Variants in NRROS observed in about 807,000 individuals in gnomAD.
NRROS encodes transforming growth factor beta activator LRRC33.
In NRROS, 6 loss-of-function variants were observed where a neutral mutation model predicts 12.0. The ratio of observed to expected loss-of-function variants is 0.50; its 90% CI spans 0.27 to 0.98. The LOEUF is 0.98. NRROS is among the 50% of genes least tolerant of loss of function. The pLI is 0.11. For synonymous variants in NRROS, 462 were observed against 410.2 expected (o/e 1.13, Z -1.53); for missense variants, 857 against 888.2 (o/e 0.96, Z 0.45).
In NRROS at chr3:196,660,081, G is replaced by A. The variant is rs908054594; in HGVS notation, c.438G>A (p.Glu146=). Residue 146 remains glutamate, a synonymous_variant, in exon 3 of 3, where the codon GAG becomes GAA. Transcript: ENST00000328557. This position sits in a 1 kb window ranked among gnomAD's most constrained non-coding sequence, Gnocchi z 7.7. ...ACTTGTCAGGAAACGCCCTGACGGA[G>A]GACATGGCAGCCCTCATGCTCCAGA... ...RLDLSGNALT[E]DMAALMLQNL... is the part of the protein sequence containing the mutation. The A allele has an allele frequency of 1.9e-6, 3 of 1,613,222 alleles. No homozygotes were observed. The highest frequency in any genetic ancestry group is 2.5e-6 in the Non-Finnish European group (3 of 1,179,878).
chr3:196,641,993 T>C (rs983890732), intron 1 of NRROS, among the ~76,000 whole-genome samples: 3 of 152,222 alleles, frequency 2.0e-5, no homozygotes, highest in Admixed American at 1.3e-4. Context: ...CAAACATTTG[T>C]CATGTTTTTG....
chr3:196,650,485 G>A (rs1310827106), intron 1 of NRROS, among the ~76,000 whole-genome samples: 1 of 151,918 alleles, frequency 6.6e-6, no homozygotes, highest in African/African-American at 2.4e-5. Context: ...TTGCCACCTT[G>A]CTCAGGCTGG....
At chr3:196,646,883 G>A (rs1037267044) in intron 1 of NRROS, among the ~76,000 whole-genome samples, 4 of 152,202 alleles carry the variant, frequency 2.6e-5, no homozygotes, top group Non-Finnish European at 4.4e-5. Context: ...GAGCCGCCGC[G>A]TGCCTCTCTT....
rs1464030780 is a variant in NRROS at position 196,659,929 on chromosome 3, A to G, written c.286A>G (p.Ile96Val). The change falls in exon 3 of 3, where the codon ATC (isoleucine) becomes GTC (valine). Residue 96 changes from isoleucine (I) to valine (V), a missense_variant. By Grantham distance (29) the Ile-to-Val change is conservative (BLOSUM62 3). Coordinates refer to ENST00000328557, the MANE Select transcript of NRROS (RefSeq NM_198565.3). ...LSLHSCHLER[I>V]SRGAFQEQGH... is the part of the protein sequence containing the mutation. The stretch of plus-strand genomic sequence containing the variant: ...CCTGCACAGCTGCCACCTGGAGCGC[A>G]TCAGCCGCGGCGCCTTCCAGGAGCA... The G allele has an allele frequency of 1.9e-6, 3 of 1,614,054 alleles. No homozygotes were observed. The highest frequency in any genetic ancestry group is 2.5e-6 in the Non-Finnish European group (3 of 1,179,998).
Position 196,654,407 on chromosome 3 carries a change from T to C in NRROS, c.-13-120T>C. On this transcript the variant is annotated intron_variant, in intron 1 of 2. Coordinates refer to ENST00000328557, the MANE Select transcript of NRROS (RefSeq NM_198565.3). This position sits in a 1 kb window ranked among gnomAD's most constrained non-coding sequence, Gnocchi z 4.4. ...GAGTATCCTGTGGGCTGCACCTCTA[T>C]GGAGCTCCACAGAGCTCCAAGACCA... 4.2e-6 allele frequency: 3 copies of C among 712,198 alleles called. No individual in the cohort carries two copies. The highest frequency in any genetic ancestry group is 5.1e-5 in the East Asian group (2 of 38,914). The allele number at this position is 712,198 out of a possible 1,614,324, so 44.1% of individuals were successfully genotyped here.
At position 196,658,840 on chromosome 3, in the gene NRROS, T is replaced by C. The variant is rs57742608; in HGVS notation, c.109-912T>C. Among the ~76,000 whole-genome samples the C allele has an allele frequency of 7.1e-3, 1,077 of 151,944 alleles. 13 individuals carry two copies. The highest frequency in any genetic ancestry group is 0.023 in the African/African-American group (954 of 41,372). ...AAAAAGTTAGCTGGGCGTGGTGGCA[T>C]GTGCCTGTAATCCCAGCTACTCGGG... On this transcript the variant is annotated intron_variant, in intron 2 of 2. Coordinates refer to ENST00000328557, the MANE Select transcript of NRROS (RefSeq NM_198565.3).
intron 1 of NRROS, among the ~76,000 whole-genome samples, chr3:196,653,455 T>C (rs1737472269): frequency 6.6e-6 from 1 of 152,220 alleles, no homozygotes; most frequent in African/African-American, 2.4e-5. Flanking sequence ...CTGGTGCCGC[T>C]GGCCCAGGAG....
At chr3:196,649,483 T>C (rs1737375599) in intron 1 of NRROS, among the ~76,000 whole-genome samples, 1 of 152,144 alleles carries the variant, frequency 6.6e-6, no homozygotes, top group Admixed American at 6.5e-5. Context: ...TTCTCTCTTT[T>C]TTTTTTGAGA....
intron 2 of NRROS, among the ~76,000 whole-genome samples, chr3:196,655,665 G>A (rs761597657): frequency 2.0e-5 from 3 of 152,208 alleles, no homozygotes; most frequent in Non-Finnish European, 2.9e-5. Flanking sequence ...TGACCGCTAA[G>A]GCTTACACAG....
In NRROS at chr3:196,661,714, G is replaced by A. The variant is rs142275904; in HGVS notation, c.2071G>A (p.Val691Ile). ...VIKSRCHWSS[V>I]Y Reference sequence around the variant, plus strand: ...CAAGAGCCGCTGCCACTGGTCCTCCGTTTACTGACCTGGCTGTGTGCCAAG... The same window carrying A: ...CAAGAGCCGCTGCCACTGGTCCTCCATTTACTGACCTGGCTGTGTGCCAAG... Residue 691 changes from valine to isoleucine, a missense_variant, in exon 3 of 3, where the codon GTT becomes ATT. Physicochemically the swap from Val to Ile is conservative, Grantham distance 29. Transcript: ENST00000328557. 18 of 1,588,524 alleles carry A rather than the reference G, an allele frequency of 1.1e-5. No individual in the cohort carries two copies. The highest frequency in any genetic ancestry group is 2.7e-5 in the African/African-American group (2 of 74,734).
At chr3:196,648,196 A>G (rs1443929147) in intron 1 of NRROS, among the ~76,000 whole-genome samples, 1 of 152,240 alleles carries the variant, frequency 6.6e-6, no homozygotes, top group African/African-American at 2.4e-5. Flanking sequence ...AAAGTTTACA[A>G]GAAAGTACAA....
chr3:196,649,197 G>T (rs936363245), intron 1 of NRROS, among the ~76,000 whole-genome samples: 1 of 152,202 alleles, frequency 6.6e-6, no homozygotes, highest in Non-Finnish European at 1.5e-5. Flanking sequence ...CTGGAGAAGG[G>T]ACTGTTGGAA....
chr3:196,643,914 C>T (rs188535846), intron 1 of NRROS, among the ~76,000 whole-genome samples: 25 of 152,326 alleles, frequency 1.6e-4, no homozygotes, highest in African/African-American at 5.5e-4. Flanking sequence ...TGAGCCTTTT[C>T]CCTTGGCCCT....
In NRROS at chr3:196,654,854, G is replaced by C; in HGVS notation, c.108+207G>C. 1 of 544,780 alleles carries C rather than the reference G, an allele frequency of 1.8e-6. No individual in the cohort carries two copies. The highest frequency in any genetic ancestry group is 3.2e-6 in the Non-Finnish European group (1 of 307,886). The allele number at this position is 544,780 out of a possible 1,614,324, so 33.7% of individuals were successfully genotyped here. A position where few individuals can be genotyped will look rare whatever the true frequency, so the allele number is the denominator to read the frequency against. Reference sequence around the variant, plus strand: ...TCCTGGGAAGAGCCAGGCAGTCCCTGCCCCGCCGTTCTCACGCCTGCTGAG... The same window carrying C: ...TCCTGGGAAGAGCCAGGCAGTCCCTCCCCCGCCGTTCTCACGCCTGCTGAG... On this transcript the variant is annotated intron_variant, in intron 2 of 2. Transcript: ENST00000328557. This position sits in a 1 kb window ranked among gnomAD's most constrained non-coding sequence, Gnocchi z 4.4.
At position 196,659,840 on chromosome 3, in the gene NRROS, C is replaced by G. The variant is rs201623634; in HGVS notation, c.197C>G (p.Ala66Gly). 6.8e-6 allele frequency: 11 copies of G among 1,614,064 alleles called. No homozygotes were observed. The highest frequency in any genetic ancestry group is 1.7e-5 in the Admixed American group (1 of 60,022). The change falls in exon 3 of 3, where the codon GCC becomes GGC. Residue 66 changes from alanine (A) to glycine (G), a missense_variant. Coordinates refer to ENST00000328557, the MANE Select transcript of NRROS (RefSeq NM_198565.3). Reference sequence around the variant, plus strand: ...CACGCCCGGATGCTCACCCTGGATGCCAACCCTCTCAAGACCCTGTGGAAT... The same window carrying G: ...CACGCCCGGATGCTCACCCTGGATGGCAACCCTCTCAAGACCCTGTGGAAT... ...PPHARMLTLD[A>G]NPLKTLWNHS...
chr3:196,656,098 C>T lies in NRROS; in HGVS notation c.108+1451C>T, dbSNP rs1737532693. Among the ~76,000 whole-genome samples the T allele has an allele frequency of 2.0e-5, 3 of 151,936 alleles. No individual in the cohort carries two copies. The South Asian group carries it at 6.2e-4, about 32-fold the overall frequency. ...AGGAAGATTGCTTGAACCTGGGAGG[C>T]AGAGGTTGCAGTGAGCTGACATCGT... On this transcript the variant is annotated intron_variant, in intron 2 of 2. Transcript: ENST00000328557.
Position 196,661,014 on chromosome 3 carries a change from T to G in NRROS, c.1371T>G (p.Asp457Glu), listed in dbSNP as rs777915355. 2 of 1,614,042 alleles carry G rather than the reference T, an allele frequency of 1.2e-6. No homozygotes were observed. The highest frequency in any genetic ancestry group is 2.7e-5 in the African/African-American group (2 of 74,920). ...GGGTGGGCCCCCCTAGCTGTGTGGA[T>G]TTCAGGAATATGGCATCTTTAAGGA... ...SDRVGPPSCV[D>E]FRNMASLRSL... The change falls in exon 3 of 3, where the codon GAT becomes GAG. Residue 457 changes from aspartate to glutamate, a missense_variant. Coordinates refer to ENST00000328557, the MANE Select transcript of NRROS (RefSeq NM_198565.3).
chr3:196,659,812 C>A lies in NRROS; in HGVS notation c.169C>A (p.Pro57Thr). 6.2e-7 allele frequency: 1 copy of A among 1,613,948 alleles called. No individual in the cohort carries two copies. Among genetic ancestry groups the A allele is most frequent in the Middle Eastern group, 1.7e-4 (1 of 6,060 alleles). Reference protein sequence around the residue: ...SLASVPSSLPPHARMLTLDAN... With the variant: ...SLASVPSSLPTHARMLTLDAN... ...CGCTTCGGTGCCCAGCAGCCTCCCG[C>A]CCCACGCCCGGATGCTCACCCTGGA... Residue 57 changes from proline (P) to threonine (T), a missense_variant, in exon 3 of 3, where the codon CCC becomes ACC. By Grantham distance (38) the Pro-to-Thr change is conservative (BLOSUM62 -1). Coordinates refer to ENST00000328557, the MANE Select transcript of NRROS (RefSeq NM_198565.3).
chr3:196,653,336 G>T (rs1352589377), intron 1 of NRROS, among the ~76,000 whole-genome samples: 1 of 152,244 alleles, frequency 6.6e-6, no homozygotes, highest in East Asian at 1.9e-4. Flanking sequence ...GCACTGGTGA[G>T]CATTCAAATC....
Sources: gnomAD v4.1 joint callset for allele counts (sites outside exome capture counted in the v4.1 genomes callset) on GRCh38, gnomAD v4.1.1 for gene constraint, Gnocchi (gnomAD v3.1) non-coding constraint, MANE v1.5 for transcripts, NCBI Gene and HGNC (gene_info 2026-07-23, HGNC 2026-07-21) for gene names.